The following ZNF566 variants were observed in gnomAD, a reference collection of about 807,000 sequenced individuals.
The protein encoded by ZNF566 is zinc finger protein 566.
Under a neutral mutation model 32.8 loss-of-function variants are expected in ZNF566, and 27 were observed. The observed-to-expected ratio is 0.82, with a 90% CI of 0.61 to 1.14. The LOEUF (loss-of-function observed/expected upper bound fraction) is 1.14. Among genes scored for constraint, ZNF566 ranks in the 50% most tolerant of loss-of-function variants. ZNF566 has a pLI of 0.00. For synonymous variants in ZNF566, 154 were observed against 159.5 expected (o/e 0.97, Z 0.26); for missense variants, 402 against 490.4 (o/e 0.82, Z 1.70).
At chr19:36,482,505 GAA>G (rs57258023) in intron 1 of ZNF566, among the ~76,000 whole-genome samples, 6 of 138,252 alleles carry the variant, frequency 4.3e-5, no homozygotes, top group African/African-American at 1.6e-4. Context: ...AAAAATGTAA[GAA>G]AAAAAAAAAA....
chr19:36,452,916 G>A (rs1452898421), intron 4 of ZNF566, among the ~76,000 whole-genome samples: 9 of 151,976 alleles, frequency 5.9e-5, no homozygotes, highest in African/African-American at 1.9e-4. Flanking sequence ...TCAGGAGTTC[G>A]AGACCAGCCT....
Position 36,449,637 on chromosome 19 carries a change from A to G in ZNF566, c.597T>C (p.Tyr199=). ...HEIIHTIEKP[Y]ECKECGKSFR... ...AGGACTTTCCACATTCCTTACATTC[A>G]TAAGGCTTCTCAATGGTATGAATTA... is the stretch of plus-strand genomic sequence containing the variant. Residue 199 remains tyrosine (Y), a synonymous_variant, in exon 5 of 5, where the codon TAT becomes TAC. Coordinates refer to ENST00000452939, the MANE Select transcript of ZNF566 (RefSeq NM_001145344.1). 1 of 1,614,182 alleles carries G rather than the reference A, an allele frequency of 6.2e-7. No individual in the cohort carries two copies. The highest frequency in any genetic ancestry group is 8.5e-7 in the Non-Finnish European group (1 of 1,180,026).
chr19:36,468,865 C>T (rs756906796), intron 4 of ZNF566, among the ~76,000 whole-genome samples: 1 of 151,378 alleles, frequency 6.6e-6, no homozygotes, highest in Non-Finnish European at 1.5e-5. Flanking sequence ...TGCAGTGAGC[C>T]GTGATAGTGC....
Position 36,445,818 on chromosome 19 carries a change from T to TC in ZNF566, c.*3158dup, listed in dbSNP as rs2032980118. ...TGGGAAACAAGAGTGAAACTCTGTC[T>TC]CAAAACAAAACAAAGCAAAAACACT... is the stretch of plus-strand genomic sequence containing the variant. On this transcript the variant is annotated 3_prime_UTR_variant, in exon 5 of 5. Transcript: ENST00000452939. The TC allele has an allele frequency of 6.6e-6, 1 of 152,118 alleles. No individual in the cohort carries two copies. The highest frequency in any genetic ancestry group is 2.1e-4 in the South Asian group (1 of 4,832). The allele number at this position is 152,118 out of a possible 1,614,324, so 9.4% of individuals were successfully genotyped here.
At chr19:36,460,348 A>G (rs1264937694) in intron 4 of ZNF566, among the ~76,000 whole-genome samples, 1 of 152,232 alleles carries the variant, frequency 6.6e-6, no homozygotes, top group Non-Finnish European at 1.5e-5. Context: ...ATATAAAAAT[A>G]GAAAGTTTCA....
intron 2 of ZNF566, among the ~76,000 whole-genome samples, chr19:36,474,114 G>A (rs1015035573): frequency 6.6e-6 from 1 of 152,138 alleles, no homozygotes; most frequent in Non-Finnish European, 1.5e-5. Flanking sequence ...ACTTCTAGAG[G>A]ATGTGGTCCA....
At chr19:36,454,537 A>G (rs1250246308) in intron 4 of ZNF566, among the ~76,000 whole-genome samples, 1 of 152,166 alleles carries the variant, frequency 6.6e-6, no homozygotes, top group East Asian at 1.9e-4. Context: ...TGGGCAATAG[A>G]GGGAGACCTC....
intron 4 of ZNF566, among the ~76,000 whole-genome samples, chr19:36,463,977 C>T (rs1487591098): frequency 6.6e-6 from 1 of 151,978 alleles, no homozygotes; most frequent in Non-Finnish European, 1.5e-5. Context: ...CTGCCCACCT[C>T]GGCCTCCCAA....
At chr19:36,469,457 T>G (rs988071614) in intron 4 of ZNF566, among the ~76,000 whole-genome samples, 2 of 151,830 alleles carry the variant, frequency 1.3e-5, no homozygotes, top group African/African-American at 4.9e-5. Flanking sequence ...GGAGAATTGC[T>G]TGAACCCGGG....
intron 1 of ZNF566, among the ~76,000 whole-genome samples, chr19:36,487,967 G>C (rs2034212861): frequency 2.6e-5 from 4 of 151,472 alleles, no homozygotes; most frequent in Admixed American, 2.6e-4. Context: ...AATAGATTGT[G>C]TGGGGGAGAA....
At chr19:36,458,458 A>G (rs1420804670) in intron 4 of ZNF566, among the ~76,000 whole-genome samples, 1 of 152,192 alleles carries the variant, frequency 6.6e-6, no homozygotes, top group Non-Finnish European at 1.5e-5. Context: ...CGTTGAACTC[A>G]TAGAAGAAGA....
chr19:36,488,945 G>C (rs1308817143), intron 1 of ZNF566, among the ~76,000 whole-genome samples: 1 of 151,894 alleles, frequency 6.6e-6, no homozygotes, highest in Non-Finnish European at 1.5e-5. Flanking sequence ...CAAAGCAACA[G>C]GGTCGCACAC....
At chr19:36,473,954 A>C (rs957210495) in intron 2 of ZNF566, among the ~76,000 whole-genome samples, 2 of 152,218 alleles carry the variant, frequency 1.3e-5, no homozygotes, top group African/African-American at 4.8e-5. Flanking sequence ...ACACCTCTAA[A>C]AGCAAGAAAC....
In ZNF566 at chr19:36,478,966, G is replaced by C. The variant is rs1188818007; in HGVS notation, c.-59-2350C>G. Among the ~76,000 whole-genome samples the C allele has an allele frequency of 4.6e-5, 7 of 152,200 alleles. No individual in the cohort carries two copies. In the East Asian group the frequency reaches 9.6e-4, roughly 21 times the overall value. ...CACATGCTGTCCCCATGGGAGCTGA[G>C]AGAAATAGGAACTGATGAACACTGA... On this transcript the variant is annotated intron_variant, in intron 1 of 4. Transcript: ENST00000452939.
intron 2 of ZNF566, among the ~76,000 whole-genome samples, 170 bp from the exon 3 acceptor site, chr19:36,473,628 T>G (rs980368188): frequency 6.6e-6 from 1 of 152,178 alleles, no homozygotes; most frequent in Non-Finnish European, 1.5e-5. Flanking sequence ...ATCACTGGGT[T>G]TCCAGGTCAT....
chr19:36,455,161 T>A (rs547729453), intron 4 of ZNF566, among the ~76,000 whole-genome samples: 1 of 152,274 alleles, frequency 6.6e-6, no homozygotes, highest in East Asian at 1.9e-4. Flanking sequence ...AAATTCAACA[T>A]ACTTTCATAA....
At chr19:36,464,248 T>C (rs2033556412) in intron 4 of ZNF566, among the ~76,000 whole-genome samples, 1 of 152,112 alleles carries the variant, frequency 6.6e-6, no homozygotes, top group African/African-American at 2.4e-5. Flanking sequence ...CCAATGCATA[T>C]ATGAAATCTG....
chr19:36,477,640 G>A (rs561145133), intron 1 of ZNF566, among the ~76,000 whole-genome samples: 157 of 149,810 alleles, frequency 1.0e-3, no homozygotes, highest in African/African-American at 3.8e-3. Context: ...CCAGGTTCAC[G>A]CCATTCTCCT....
chr19:36,452,091 A>G (rs1029168897), intron 4 of ZNF566, among the ~76,000 whole-genome samples: 2 of 152,168 alleles, frequency 1.3e-5, no homozygotes, highest in African/African-American at 4.8e-5. Context: ...GTTAAAAAAA[A>G]AAAAGGGAGA....
Sources: allele counts gnomAD v4.1 joint callset (sites outside exome capture counted in the v4.1 genomes callset), GRCh38; gene constraint gnomAD v4.1.1; transcripts MANE v1.5; gene names NCBI Gene and HGNC (gene_info 2026-07-23, HGNC 2026-07-21).